BACH1: variants seen among roughly 807,000 people sequenced by gnomAD.
The protein encoded by BACH1 is BTB domain and CNC homolog 1, also known as transcription regulator protein BACH1.
Under a neutral mutation model 52.9 loss-of-function variants are expected in BACH1, and 35 were observed. The ratio of observed to expected loss-of-function variants is 0.66; its 90% CI spans 0.51 to 0.88. The LOEUF (loss-of-function observed/expected upper bound fraction) is 0.88, where lower values mean the gene tolerates loss of function less well. Among genes scored for constraint, BACH1 ranks in the 40% least tolerant of loss-of-function variants. The probability of loss-of-function intolerance (pLI) is 0.00; values close to 1 mark genes in which losing one functional copy is unlikely to be tolerated. For synonymous variants in BACH1, 321 were observed against 319.6 expected (o/e 1.00, Z -0.05); for missense variants, 808 against 872.6 (o/e 0.93, Z 0.93).
At position 29,342,978 on chromosome 21, in the gene BACH1, C is replaced by T; in HGVS notation, c.*145C>T. 1 of 751,450 alleles carries T rather than the reference C, an allele frequency of 1.3e-6. No homozygotes were observed. Among genetic ancestry groups the T allele is most frequent in the East Asian group, 2.8e-5 (1 of 35,606 alleles). 46.5% of individuals were successfully genotyped at this position (751,450 alleles called of 1,614,324 possible). A position where few individuals can be genotyped will look rare whatever the true frequency, so the allele number is the denominator to read the frequency against. On this transcript the variant is annotated 3_prime_UTR_variant, in exon 5 of 5. Transcript: ENST00000286800. ...ATAAGGGAATTTCCTTTAAGTCAAC[C>T]ATGATTTCTCCTTGATTTCTACAAG...
chr21:29,346,909 G>A (rs985786657), downstream of BACH1, among the ~76,000 whole-genome samples: 3 of 152,174 alleles, frequency 2.0e-5, no homozygotes, highest in African/African-American at 4.8e-5. Flanking sequence ...TAAGCCTGGC[G>A]TGTTAAAGGA....
At chr21:29,325,231 G>GAA (rs1041695285) in intron 2 of BACH1, among the ~76,000 whole-genome samples, 1 of 146,886 alleles carries the variant, frequency 6.8e-6, no homozygotes, top group Non-Finnish European at 1.5e-5. Context: ...CTCCGTCTTA[G>GAA]AAAAAAAAAA....
At chr21:29,299,218 A>C (rs1601331414) in intron 1 of BACH1, among the ~76,000 whole-genome samples, 2 of 149,044 alleles carry the variant, frequency 1.3e-5, no homozygotes, top group East Asian at 2.0e-4. Flanking sequence ...GCTGTTGTTT[A>C]CCCGCGCGCG....
intron 4 of BACH1, among the ~76,000 whole-genome samples, chr21:29,336,943 A>G (rs1021933829): frequency 1.1e-4 from 17 of 152,148 alleles, no homozygotes; most frequent in African/African-American, 4.1e-4. Flanking sequence ...AAGTGCTGGG[A>G]TTACAGACAT....
chr21:29,356,173 A>G (rs1251818780), intron 2 of BACH1, among the ~76,000 whole-genome samples: 2 of 152,220 alleles, frequency 1.3e-5, no homozygotes, highest in East Asian at 1.9e-4. Context: ...TAAGTAGGGT[A>G]TTAGTTGTAT....
In BACH1 at chr21:29,344,632, ATTTGTGTG is replaced by A. The variant is rs2089149438; in HGVS notation, c.*1801_*1808del. On this transcript the variant is annotated 3_prime_UTR_variant, in exon 5 of 5. Coordinates refer to ENST00000286800, the MANE Select transcript of BACH1 (RefSeq NM_001186.4). ...ATAGTGCATCCCATACTGCAAAAGA[ATTTGTGTG>A]TGTGTGTGTGTGTGTGTGTGTGTGT... 9.1e-6 allele frequency: 1 copy of A among 109,882 alleles called. No homozygotes were observed. The highest frequency in any genetic ancestry group is 1.8e-5 in the Non-Finnish European group (1 of 56,596). The allele number at this position is 109,882 out of a possible 1,614,324, so 6.8% of individuals were successfully genotyped here.
chr21:29,317,567 G>A (rs1471884078), intron 1 of BACH1, among the ~76,000 whole-genome samples: 1 of 152,154 alleles, frequency 6.6e-6, no homozygotes, highest in Non-Finnish European at 1.5e-5. Flanking sequence ...GGGGGGCAAT[G>A]GCTTGAGATA....
At chr21:29,338,406 C>G (rs1390257014) in intron 4 of BACH1, among the ~76,000 whole-genome samples, 1 of 152,040 alleles carries the variant, frequency 6.6e-6, no homozygotes, top group African/African-American at 2.4e-5. Context: ...CAGGGTTTCA[C>G]TCTGTCACCC....
At chr21:29,315,318 T>A (rs946740331) in intron 1 of BACH1, among the ~76,000 whole-genome samples, 2 of 152,006 alleles carry the variant, frequency 1.3e-5, no homozygotes, top group African/African-American at 4.8e-5. Flanking sequence ...CTTAGGGAGG[T>A]TAGCTTTCTT....
chr21:29,355,230 C>A (rs547221507), intron 2 of BACH1, among the ~76,000 whole-genome samples: 1 of 152,128 alleles, frequency 6.6e-6, no homozygotes, highest in African/African-American at 2.4e-5. Flanking sequence ...AAACCTTTAG[C>A]TAGACACAGA....
rs533740219 is a variant in BACH1 at position 29,343,838 on chromosome 21, C to A, written c.*1005C>A. Reference sequence around the variant, plus strand: ...ACCCTGTTTTTGAAGTCGTATTATTCACTTGTAAAAATGATTGTAACAGAT... The same window carrying A: ...ACCCTGTTTTTGAAGTCGTATTATTAACTTGTAAAAATGATTGTAACAGAT... On this transcript the variant is annotated 3_prime_UTR_variant, in exon 5 of 5. Coordinates refer to ENST00000286800, the MANE Select transcript of BACH1 (RefSeq NM_001186.4). The A allele has an allele frequency of 1.3e-5, 2 of 152,266 alleles. No homozygotes were observed. Among genetic ancestry groups the A allele is most frequent in the Admixed American group, 6.5e-5 (1 of 15,300 alleles). The allele number at this position is 152,266 out of a possible 1,614,324, so 9.4% of individuals were successfully genotyped here.
chr21:29,318,126 C>A (rs558296440), intron 1 of BACH1, among the ~76,000 whole-genome samples: 1 of 152,092 alleles, frequency 6.6e-6, no homozygotes, highest in Non-Finnish European at 1.5e-5. Flanking sequence ...AGACTACTTG[C>A]AAGTAATAAG....
At chr21:29,314,598 C>T (rs1316187548) in intron 1 of BACH1, among the ~76,000 whole-genome samples, 1 of 152,272 alleles carries the variant, frequency 6.6e-6, no homozygotes, top group South Asian at 2.1e-4. Context: ...TTCCCTCCCA[C>T]CCCATTTTTA....
chr21:29,352,824 G>C (rs2089211053), intron 2 of BACH1, among the ~76,000 whole-genome samples: 2 of 151,786 alleles, frequency 1.3e-5, no homozygotes, highest in South Asian at 4.2e-4. Context: ...CAATTCTCCT[G>C]TCTCAGCCTC....
chr21:29,333,045 T>C (rs1361868678), intron 4 of BACH1, among the ~76,000 whole-genome samples: 1 of 152,242 alleles, frequency 6.6e-6, no homozygotes, highest in Admixed American at 6.5e-5. Flanking sequence ...TCAGTTCTAG[T>C]GATTTGTACT....
At chr21:29,315,385 A>G (rs149316215) in intron 1 of BACH1, among the ~76,000 whole-genome samples, 136 of 152,276 alleles carry the variant, frequency 8.9e-4, no homozygotes, top group Non-Finnish European at 1.6e-3. Context: ...CTTCTGAGCC[A>G]TTGAATACCC....
chr21:29,358,997 A>G (rs1569028968), intron 2 of BACH1: 1 of 152,210 alleles, frequency 6.6e-6, no homozygotes, highest in East Asian at 1.9e-4. Flanking sequence ...AACTAGCCAT[A>G]ACATCAGACA....
chr21:29,358,066 G>T (rs917285363), intron 2 of BACH1, among the ~76,000 whole-genome samples: 1 of 152,202 alleles, frequency 6.6e-6, no homozygotes, highest in African/African-American at 2.4e-5. Context: ...TGGAGTGACT[G>T]GAAGTGGGGA....
chr21:29,353,294 T>G (rs184536487), intron 2 of BACH1, among the ~76,000 whole-genome samples: 112 of 152,322 alleles, frequency 7.4e-4, no homozygotes, highest in Admixed American at 1.2e-3. Context: ...ACCAATCTTG[T>G]ATGGTTGTAG....
Sources: gnomAD v4.1 joint callset for allele counts (sites outside exome capture counted in the v4.1 genomes callset) on GRCh38, gnomAD v4.1.1 for gene constraint, MANE v1.5 for transcripts, NCBI Gene and HGNC (gene_info 2026-07-23, HGNC 2026-07-21) for gene names.